Variants in SASH1 observed in about 807,000 individuals in gnomAD.
SASH1 encodes SAM and SH3 domain-containing protein 1.
Under a neutral mutation model 125.2 loss-of-function variants are expected in SASH1, and 44 were observed. The observed-to-expected ratio is 0.35, with a 90% CI of 0.28 to 0.45. The LOEUF is 0.45. SASH1 is among the 20% of genes least tolerant of loss of function. SASH1 has a pLI of 1.00. For missense variants in SASH1, 1,426 were observed against 1,614.5 expected, an observed-to-expected ratio of 0.88 and a Z score of 2.00; for synonymous variants, 639 against 649.1, an observed-to-expected ratio of 0.98 and a Z score of 0.24.
At chr6:148,484,264 A>C (rs958587908) in intron 7 of SASH1, among the ~76,000 whole-genome samples, 2 of 152,186 alleles carry the variant, frequency 1.3e-5, no homozygotes, top group African/African-American at 4.8e-5. Flanking sequence ...TAAAAAAATC[A>C]TGTCATGGAC....
At chr6:148,290,465 G>A (rs1345622118) in intron 1 of SASH1, among the ~76,000 whole-genome samples, 2 of 151,800 alleles carry the variant, frequency 1.3e-5, no homozygotes, top group Admixed American at 6.6e-5. Flanking sequence ...AATTAGCCGG[G>A]CGTGGTGGCA....
intron 8 of SASH1, among the ~76,000 whole-genome samples, chr6:148,507,908 C>T (rs1164802520): frequency 8.5e-5 from 13 of 152,202 alleles, no homozygotes; most frequent in East Asian, 3.8e-4. Context: ...AAAAGACAAA[C>T]GTGACTTGCA....
At position 148,519,993 on chromosome 6, in the gene SASH1, T is replaced by C; in HGVS notation, c.1209+100T>C. 1.3e-6 allele frequency: 1 copy of C among 782,024 alleles called. No homozygotes were observed. The highest frequency in any genetic ancestry group is 2.0e-6 in the Non-Finnish European group (1 of 501,564). 48.4% of individuals were successfully genotyped at this position (782,024 alleles called of 1,614,324 possible). ...TCAGAGTGTCCGGAAGCAAATCCGC[T>C]TGAAGAAAACGGATACTAATTATTC... is the stretch of plus-strand genomic sequence containing the variant. On this transcript the variant is annotated intron_variant, in intron 10 of 19. Coordinates refer to ENST00000367467, the MANE Select transcript of SASH1 (RefSeq NM_015278.5). This position sits in a 1 kb window ranked among gnomAD's most constrained non-coding sequence, Gnocchi z 4.8.
At chr6:148,322,939 C>CTTCCTTCT (rs1226334371) in intron 1 of SASH1, among the ~76,000 whole-genome samples, 25 of 124,378 alleles carry the variant, frequency 2.0e-4, no homozygotes, top group African/African-American at 7.5e-4. Flanking sequence ...CTTTCTTTTC[C>CTTCCTTCT]TTCCTTCCTT....
At chr6:148,395,338 A>G (rs1346647158) in intron 2 of SASH1, among the ~76,000 whole-genome samples, 1 of 152,206 alleles carries the variant, frequency 6.6e-6, no homozygotes. Flanking sequence ...ACAAAAGGAC[A>G]CTCAGCCTAC....
intron 1 of SASH1, among the ~76,000 whole-genome samples, chr6:148,281,364 C>T (rs1779336529): frequency 6.6e-6 from 1 of 152,064 alleles, no homozygotes; most frequent in East Asian, 1.9e-4. Context: ...GTCAGATGGA[C>T]TAGAAACATA....
intron 16 of SASH1, among the ~76,000 whole-genome samples, chr6:148,537,662 G>A (rs567455813): frequency 1.3e-5 from 2 of 152,158 alleles, no homozygotes; most frequent in African/African-American, 4.8e-5. Flanking sequence ...TGCTTTCAAA[G>A]AATCCCATTC....
At chr6:148,294,686 G>A (rs1779717144) in intron 1 of SASH1, among the ~76,000 whole-genome samples, 1 of 152,220 alleles carries the variant, frequency 6.6e-6, no homozygotes. Context: ...GCAGTGTGGA[G>A]TTGTGACCCT....
intron 1 of SASH1, among the ~76,000 whole-genome samples, chr6:148,288,751 T>C (rs1779551286): frequency 6.6e-6 from 1 of 152,160 alleles, no homozygotes; most frequent in Non-Finnish European, 1.5e-5. Flanking sequence ...CAGAAAAATG[T>C]CCTGGTAGTA....
rs766291807 is a variant in SASH1, at chr6:148,533,723, G to A, written c.1735-48G>A. On this transcript the variant is annotated intron_variant, in intron 14 of 19. Transcript: ENST00000367467. This position sits in a 1 kb window ranked among gnomAD's most constrained non-coding sequence, Gnocchi z 6.2. ...TATCTGACAGATTCTTGATTTGTAC[G>A]TTCATGGAATGTACCTAATGGAAAG... The A allele has an allele frequency of 4.3e-5, 66 of 1,520,110 alleles. No homozygotes were observed. Among genetic ancestry groups the A allele is most frequent in the African/African-American group, 3.3e-4 (24 of 72,714 alleles). 94.2% of individuals were successfully genotyped at this position (1,520,110 alleles called of 1,614,324 possible).
the SASH1 span, among the ~76,000 whole-genome samples, chr6:148,219,132 C>T: frequency 1.3e-5 from 2 of 152,108 alleles, no homozygotes; most frequent in Non-Finnish European, 2.9e-5. Context: ...AACAGAAGAG[C>T]CTTCCTAGGA....
intron 4 of SASH1, among the ~76,000 whole-genome samples, chr6:148,449,081 T>TTTTTTTTTC (rs1776960045): frequency 7.4e-6 from 1 of 134,324 alleles, no homozygotes; most frequent in Non-Finnish European, 1.6e-5. Context: ...TTCATTTCTT[T>TTTTTTTTTC]TTTTTTTTTT....
At chr6:148,306,694 C>A (rs778959366) in intron 1 of SASH1, among the ~76,000 whole-genome samples, 1 of 152,178 alleles carries the variant, frequency 6.6e-6, no homozygotes, top group African/African-American at 2.4e-5. Context: ...AAGATTCTCC[C>A]GAGCTGAGAC....
intron 1 of SASH1, among the ~76,000 whole-genome samples, chr6:148,296,249 C>A (rs909523075): frequency 1.3e-5 from 2 of 152,074 alleles, no homozygotes; most frequent in African/African-American, 4.8e-5. Flanking sequence ...CCTCAGCATC[C>A]CGAGTAGCTG....
chr6:148,370,800 G>C (rs978661338), intron 1 of SASH1, among the ~76,000 whole-genome samples: 1 of 152,050 alleles, frequency 6.6e-6, no homozygotes, highest in African/African-American at 2.4e-5. Flanking sequence ...TTCAGCCTGG[G>C]CAACTGAGTG....
At chr6:148,202,866 A>G in the SASH1 span, among the ~76,000 whole-genome samples, 1 of 152,132 alleles carries the variant, frequency 6.6e-6, no homozygotes, top group Non-Finnish European at 1.5e-5. Context: ...AGGCACAAGA[A>G]TCGCTTGAAC....
chr6:148,413,058 G>T (rs1274891068), intron 2 of SASH1, among the ~76,000 whole-genome samples: 2 of 152,106 alleles, frequency 1.3e-5, no homozygotes, highest in Non-Finnish European at 2.9e-5. Flanking sequence ...GAGCTACTTT[G>T]GTATTTGATT....
rs549605081 is a variant in SASH1, at chr6:148,298,302, C to T, written n.74+25925C>T. Among the ~76,000 whole-genome samples the T allele has an allele frequency of 2.1e-4, 32 of 152,182 alleles. 1 individual carries two copies. The highest frequency in any genetic ancestry group is 3.4e-3 in the Middle Eastern group (1 of 294). Reference sequence around the variant, plus strand: ...TTCTGGGATTATAGACATGAGCCGCCGTGCCCGGCCTTATTATAATTTCTT... The same window carrying T: ...TTCTGGGATTATAGACATGAGCCGCTGTGCCCGGCCTTATTATAATTTCTT... On this transcript the variant is annotated intron_variant and non_coding_transcript_variant, in intron 1 of 3. Transcript: ENST00000367469.
rs146008539 is a variant in SASH1 at position 148,551,151 on chromosome 6, CT to C, written c.*2603del. On this transcript the variant is annotated 3_prime_UTR_variant, in exon 20 of 20. Coordinates refer to ENST00000367467, the MANE Select transcript of SASH1 (RefSeq NM_015278.5). ...TTTAAAAATATCTTTAGCGTTTGGT[CT>C]TTTTTTTTTCTGTAAACATTTAATT... The C allele has an allele frequency of 0.034, 5,074 of 149,298 alleles. 97 individuals are homozygous for C. The highest frequency in any genetic ancestry group is 0.05 in the East Asian group (256 of 5,096). The allele number at this position is 149,298 out of a possible 1,614,324, so 9.2% of individuals were successfully genotyped here. A position where few individuals can be genotyped will look rare whatever the true frequency, so the allele number is the denominator to read the frequency against.
Sources: gnomAD v4.1 joint callset for allele counts (sites outside exome capture counted in the v4.1 genomes callset) on GRCh38, gnomAD v4.1.1 for gene constraint, Gnocchi (gnomAD v3.1) non-coding constraint, MANE v1.5 for transcripts, NCBI Gene and HGNC (gene_info 2026-07-23, HGNC 2026-07-21) for gene names.